Variants in CEP170 observed in about 807,000 individuals in gnomAD.
CEP170 encodes centrosomal protein of 170 kDa.
Under a neutral mutation model 151.9 loss-of-function variants are expected in CEP170, and 21 were observed. That is an observed-to-expected ratio of 0.14 (90% CI 0.10 to 0.20). The LOEUF (loss-of-function observed/expected upper bound fraction) is 0.20, where lower values mean the gene tolerates loss of function less well. Ranked by LOEUF, CEP170 falls within the 10% of genes least tolerant of loss-of-function variation. The pLI is 1.00. For synonymous variants in CEP170, 356 were observed against 648.8 expected (o/e 0.55, Z 6.86); for missense variants, 964 against 1,892.9 (o/e 0.51, Z 9.11).
intron 6 of CEP170, 99 bp downstream of exon 6, chr1:243,200,419 A>G: frequency 7.0e-7 from 1 of 1,431,846 alleles, no homozygotes; most frequent in Non-Finnish European, 9.6e-7. Flanking sequence ...CACTATTATA[A>G]ATTATTTTTA....
intron 1 of CEP170, among the ~76,000 whole-genome samples, chr1:243,231,217 TA>T (rs756575225): frequency 2.4e-4 from 37 of 151,846 alleles, no homozygotes; most frequent in Middle Eastern, 3.4e-3. Flanking sequence ...TCATCATTAT[TA>T]TTTTTTTTAA....
intron 3 of CEP170, among the ~76,000 whole-genome samples, chr1:243,220,389 CT>C (rs926228192): frequency 2.8e-4 from 42 of 151,504 alleles, no homozygotes; most frequent in African/African-American, 9.7e-4. Flanking sequence ...AGAACATACA[CT>C]TAATTCTACA....
intron 13 of CEP170, among the ~76,000 whole-genome samples, chr1:243,159,933 C>G (rs1292039072): frequency 6.6e-6 from 1 of 152,196 alleles, no homozygotes; most frequent in East Asian, 1.9e-4. Context: ...GAATTACAGG[C>G]ACCTGCCACC....
intron 14 of CEP170, among the ~76,000 whole-genome samples, chr1:243,152,366 C>A (rs1414683769): frequency 2.6e-5 from 4 of 151,310 alleles, no homozygotes; most frequent in African/African-American, 9.7e-5. Context: ...AGACTACAGG[C>A]GCCCGCCACC....
chr1:243,211,101 T>C (rs1018184455), intron 4 of CEP170: 1 of 140,830 alleles, frequency 7.1e-6, no homozygotes, highest in Non-Finnish European at 1.6e-5. Flanking sequence ...TCAAAAAAAC[T>C]AAAACTCAAA....
chr1:243,219,050 T>C (rs753878463), intron 3 of CEP170, among the ~76,000 whole-genome samples: 72 of 152,344 alleles, frequency 4.7e-4, no homozygotes, highest in East Asian at 3.9e-4. Context: ...AAATGCATGA[T>C]AGTTGGTAGT....
intron 7 of CEP170, among the ~76,000 whole-genome samples, chr1:243,193,642 A>G (rs1366796116): frequency 6.6e-6 from 1 of 152,074 alleles, no homozygotes; most frequent in Non-Finnish European, 1.5e-5. Flanking sequence ...TGAGACTTAT[A>G]CAAGTTAATA....
In CEP170 at chr1:243,164,524, G is replaced by A. The variant is rs748683126; in HGVS notation, c.3436C>T (p.Arg1146Trp). The A allele has an allele frequency of 4.3e-6, 7 of 1,612,540 alleles. No individual in the cohort carries two copies. The highest frequency in any genetic ancestry group is 3.3e-5 in the Admixed American group (2 of 59,772). Residue 1146 changes from arginine (R) to tryptophan (W), a missense_variant, in exon 13 of 20, where the codon CGG (arginine) becomes TGG (tryptophan). By Grantham distance (101) the Arg-to-Trp change is moderately radical (BLOSUM62 -3). Coordinates refer to ENST00000366542, the MANE Select transcript of CEP170 (RefSeq NM_014812.3). The part of the protein sequence containing the change: ...KPPTGRRNIS[R>W]IDLLAQPRRT... ...CGAGGCTGAGCCAATAAATCAATCC[G>A]AGAGATGTTACGCCTTCCTGTGGGA...
At chr1:243,213,457 A>G in intron 3 of CEP170, among the ~76,000 whole-genome samples, 1 of 152,176 alleles carries the variant, frequency 6.6e-6, no homozygotes, top group Non-Finnish European at 1.5e-5. Flanking sequence ...ATATTTCATA[A>G]TTATAAGATA....
intron 3 of CEP170, among the ~76,000 whole-genome samples, chr1:243,214,280 G>GTTTTTTTTTTTTTTTTTTTTTTTTTTTTT (rs758433258): frequency 9.9e-6 from 1 of 100,546 alleles, no homozygotes; most frequent in African/African-American, 3.6e-5. Flanking sequence ...AAGCTGTAAA[G>GTTTTTTTTTTTTTTTTTTTTTTTTTTTTT]TTTTTTTTTT....
intron 1 of CEP170, among the ~76,000 whole-genome samples, chr1:243,241,256 C>T (rs2064808187): frequency 6.6e-6 from 1 of 152,148 alleles, no homozygotes; most frequent in Non-Finnish European, 1.5e-5. Context: ...CAGGTGTGCT[C>T]CACATTAAGA....
intron 6 of CEP170, among the ~76,000 whole-genome samples, chr1:243,199,442 A>G (rs981766656): frequency 1.4e-4 from 22 of 152,180 alleles, no homozygotes; most frequent in African/African-American, 4.3e-4. Flanking sequence ...ACATATCTCA[A>G]TAGCTTTTTG....
chr1:243,152,468 G>C (rs1042949238), intron 14 of CEP170, among the ~76,000 whole-genome samples: 1 of 143,028 alleles, frequency 7.0e-6, no homozygotes, highest in Admixed American at 7.3e-5. Context: ...TGATCCACCC[G>C]CCTCAACCTC....
chr1:243,251,229 T>G (rs1239815180), intron 1 of CEP170, among the ~76,000 whole-genome samples: 1 of 152,190 alleles, frequency 6.6e-6, no homozygotes, highest in Non-Finnish European at 1.5e-5. Context: ...GTGGAGAAGT[T>G]GGACCCAATA....
chr1:243,155,727 G>A (rs1416896652), intron 14 of CEP170, among the ~76,000 whole-genome samples: 1 of 152,012 alleles, frequency 6.6e-6, no homozygotes, highest in Non-Finnish European at 1.5e-5. Flanking sequence ...GTCATATTTT[G>A]TTTTACTTAC....
At chr1:243,188,493 C>T (rs1211541773) in intron 8 of CEP170, among the ~76,000 whole-genome samples, 1 of 152,184 alleles carries the variant, frequency 6.6e-6, no homozygotes, top group Non-Finnish European at 1.5e-5. Flanking sequence ...TGTTTCTACT[C>T]ATTAAAAAAG....
chr1:243,133,846 T>C (rs553894621), intron 17 of CEP170, among the ~76,000 whole-genome samples: 9 of 152,184 alleles, frequency 5.9e-5, no homozygotes, highest in Non-Finnish European at 7.3e-5. Flanking sequence ...ACTTAATCAC[T>C]GAGTGTGAGT....
In CEP170 at chr1:243,207,849, A is replaced by G. The variant is rs529736062; in HGVS notation, c.274+4037T>C. Among the ~76,000 whole-genome samples the G allele has an allele frequency of 1.1e-3, 170 of 150,318 alleles. 1 individual carries two copies. The highest frequency in any genetic ancestry group is 3.7e-3 in the African/African-American group (153 of 40,948). ...TAATTGGGGGAAAATTTATAGCTCT[A>G]AACACCAGTATTAGAAAAGAAAGGT... On this transcript the variant is annotated intron_variant, in intron 4 of 19. Coordinates refer to ENST00000366542, the MANE Select transcript of CEP170 (RefSeq NM_014812.3).
chr1:243,134,135 C>A (rs2054748251), intron 17 of CEP170, among the ~76,000 whole-genome samples: 1 of 152,068 alleles, frequency 6.6e-6, no homozygotes, highest in Non-Finnish European at 1.5e-5. Flanking sequence ...AGGTAATATT[C>A]AAGTGAAATA....
Sources: gnomAD v4.1 joint callset for allele counts (sites outside exome capture counted in the v4.1 genomes callset) on GRCh38, gnomAD v4.1.1 for gene constraint, MANE v1.5 for transcripts, NCBI Gene and HGNC (gene_info 2026-07-23, HGNC 2026-07-21) for gene names.